The following SBNO1 variants were observed in gnomAD, a reference collection of about 807,000 sequenced individuals.
The protein encoded by SBNO1 is strawberry notch homolog 1.
Under a neutral mutation model 173.6 loss-of-function variants are expected in SBNO1, and 23 were observed. That is an observed-to-expected ratio of 0.13 (90% CI 0.10 to 0.19). SBNO1 has a LOEUF of 0.19. Ranked by LOEUF, SBNO1 falls within the 10% of genes least tolerant of loss-of-function variation. The probability of loss-of-function intolerance (pLI) is 1.00; values close to 1 mark genes in which losing one functional copy is unlikely to be tolerated. For missense variants in SBNO1, 1,238 were observed against 1,671.2 expected (o/e 0.74, Z 4.52); for synonymous variants, 632 against 571.5 (o/e 1.11, Z -1.51).
At chr12:123,312,703 C>T (rs1165084745) in intron 24 of SBNO1, among the ~76,000 whole-genome samples, 2 of 149,866 alleles carry the variant, frequency 1.3e-5, no homozygotes, top group Non-Finnish European at 3.0e-5. Context: ...AGCACGAGAC[C>T]CCGTCTCGAA....
intron 16 of SBNO1, among the ~76,000 whole-genome samples, chr12:123,323,334 T>G (rs576327371): frequency 1.1e-4 from 16 of 152,178 alleles, no homozygotes; most frequent in Non-Finnish European, 2.2e-4. Flanking sequence ...TCAACAGTAT[T>G]TTCAACGTCA....
chr12:123,315,537 C>G lies in SBNO1; in HGVS notation c.3048+11G>C. On this transcript the variant is annotated intron_variant, in intron 22 of 31. Transcript: ENST00000602398. ...ATCATTTACACACAGCCACACAACT[C>G]CAAAACTCACCAAACTCTCAAGTCT... is the stretch of plus-strand genomic sequence containing the variant. 6.3e-7 allele frequency: 1 copy of G among 1,598,012 alleles called. No homozygotes were observed.
At chr12:123,341,327 T>G (rs965671634) in intron 4 of SBNO1, among the ~76,000 whole-genome samples, 2 of 151,896 alleles carry the variant, frequency 1.3e-5, no homozygotes, top group Non-Finnish European at 2.9e-5. Context: ...CGGGCACCTG[T>G]AATCCCAGCT....
chr12:123,364,120 G>C (rs1167037568), intron 1 of SBNO1: 2 of 985,598 alleles, frequency 2.0e-6, no homozygotes, highest in Admixed American at 1.2e-4. Flanking sequence ...CGTGAAGGGA[G>C]CCTGCACGTG....
At chr12:123,348,288 C>T (rs1461811563) in intron 2 of SBNO1, among the ~76,000 whole-genome samples, 155 bp from the exon 3 acceptor site, 1 of 152,084 alleles carries the variant, frequency 6.6e-6, no homozygotes, top group African/African-American at 2.4e-5. Context: ...TCTTTGCAAG[C>T]ACAAGATCTC....
At position 123,309,598 on chromosome 12, in the gene SBNO1, A is replaced by G. The variant is rs1218959871; in HGVS notation, c.3443-15T>C. On this transcript the variant is annotated splice_polypyrimidine_tract_variant and intron_variant, in intron 26 of 31. Coordinates refer to ENST00000602398, the MANE Select transcript of SBNO1 (RefSeq NM_001167856.3). ...AGAACCAAGATCTTGAACAAGAAAA[A>G]GAAACATGTAAATGTAAAAAGAACA... 6.2e-7 allele frequency: 1 copy of G among 1,608,990 alleles called. No homozygotes were observed. Among genetic ancestry groups the G allele is most frequent in the Non-Finnish European group, 8.5e-7 (1 of 1,175,836 alleles).
chr12:123,350,518 TC>T, intron 1 of SBNO1, 77 bp from the exon 2 acceptor site: 1 of 1,149,022 alleles, frequency 8.7e-7, no homozygotes, highest in Non-Finnish European at 1.3e-6. Context: ...ATATAAACAA[TC>T]CAACAATCTC....
At chr12:123,305,567 G>A (rs888299500) in intron 28 of SBNO1, among the ~76,000 whole-genome samples, 1 of 152,120 alleles carries the variant, frequency 6.6e-6, no homozygotes, top group Non-Finnish European at 1.5e-5. Flanking sequence ...CCGCCTCCCA[G>A]GTTCAAGGCG....
At position 123,348,058 on chromosome 12, in the gene SBNO1, C is replaced by T. The variant is rs150846044; in HGVS notation, c.208G>A (p.Val70Ile). Residue 70 changes from valine to isoleucine, a missense_variant, in exon 3 of 32, where the codon GTA becomes ATA. Around this residue, in one of 14 missense-constraint regions of SBNO1, gnomAD observed 287 missense variants for 274.1 expected, o/e 1.05. Coordinates refer to ENST00000602398, the MANE Select transcript of SBNO1 (RefSeq NM_001167856.3). ...ACATTTAATAGTGCTGGAGTAGGTA[C>T]AGTCTCTGGTTCTTGTTTAACAGGA... ...AVPVKQEPET[V>I]PTPALLNVRQ... 5.5e-5 allele frequency: 88 copies of T among 1,609,182 alleles called. No homozygotes were observed. In the African/African-American group the frequency reaches 9.5e-4, roughly 17 times the overall value.
chr12:123,314,086 C>T (rs560532023), intron 23 of SBNO1, among the ~76,000 whole-genome samples: 1 of 152,172 alleles, frequency 6.6e-6, no homozygotes, highest in South Asian at 2.1e-4. Flanking sequence ...AACTCCCTCT[C>T]AACAAAACCC....
chr12:123,306,134 T>C (rs2048907692), intron 28 of SBNO1, among the ~76,000 whole-genome samples: 1 of 152,204 alleles, frequency 6.6e-6, no homozygotes, highest in Non-Finnish European at 1.5e-5. Flanking sequence ...TACTGTAAAG[T>C]CATAAAACAA....
At position 123,364,802 on chromosome 12, in the gene SBNO1, C is replaced by G. The variant is rs1194879082; in HGVS notation, c.-102G>C. The G allele has an allele frequency of 2.0e-6, 2 of 987,300 alleles. No individual in the cohort carries two copies. The highest frequency in any genetic ancestry group is 3.5e-5 in the African/African-American group (2 of 57,188). 61.2% of individuals were successfully genotyped at this position (987,300 alleles called of 1,614,324 possible). ...GAGGCGGCGGTGGCGGCGGCAGCAG[C>G]GGCGTCCTGCTCTGCCTACCTCCCC... On this transcript the variant is annotated 5_prime_UTR_variant, in exon 1 of 32. Coordinates refer to ENST00000602398, the MANE Select transcript of SBNO1 (RefSeq NM_001167856.3).
Position 123,297,991 on chromosome 12 carries a change from C to T in SBNO1, c.4026G>A (p.Gly1342=), listed in dbSNP as rs768746939. The change falls in exon 31 of 32, where the codon GGG becomes GGA. Residue 1342 remains glycine (G), a synonymous_variant. Coordinates refer to ENST00000602398, the MANE Select transcript of SBNO1 (RefSeq NM_001167856.3). ...AATTAGACTCACCTACAATCCGTTG[C>T]CCATCTTCCGTTCTTAGCCGCACGA... is the stretch of plus-strand genomic sequence containing the variant. ...MQIVRLRTED[G]QRIVGLIIPA... 6.2e-7 allele frequency: 1 copy of T among 1,613,756 alleles called. No individual in the cohort carries two copies. The highest frequency in any genetic ancestry group is 8.5e-7 in the Non-Finnish European group (1 of 1,179,906).
intron 15 of SBNO1, 148 bp from the exon 16 acceptor site, chr12:123,323,979 G>C: frequency 1.9e-6 from 1 of 531,274 alleles, no homozygotes; most frequent in Non-Finnish European, 3.0e-6. Flanking sequence ...CTAGCCCAAA[G>C]CTGTCCAACT....
intron 1 of SBNO1, among the ~76,000 whole-genome samples, chr12:123,357,970 T>C (rs1874655675): frequency 6.6e-6 from 1 of 152,212 alleles, no homozygotes; most frequent in South Asian, 2.1e-4. Flanking sequence ...CTTTCTTGAT[T>C]ATCACTAGTC....
chr12:123,296,785 T>A (rs937395988), intron 31 of SBNO1, among the ~76,000 whole-genome samples: 1 of 152,014 alleles, frequency 6.6e-6, no homozygotes, highest in Non-Finnish European at 1.5e-5. Context: ...GATCTCGATC[T>A]CTTGACTTCA....
intron 20 of SBNO1, 46 bp downstream of exon 20, chr12:123,319,854 T>A (rs759145656): frequency 3.9e-6 from 6 of 1,558,400 alleles, no homozygotes; most frequent in Non-Finnish European, 5.3e-6. Context: ...AATCTAAATA[T>A]ACAGGCATTG....
chr12:123,330,942 C>A (rs565884301), intron 8 of SBNO1, among the ~76,000 whole-genome samples: 1 of 152,204 alleles, frequency 6.6e-6, no homozygotes, highest in South Asian at 2.1e-4. Context: ...CGGATCCCAT[C>A]CCCACATGCT....
intron 31 of SBNO1, among the ~76,000 whole-genome samples, chr12:123,297,422 A>AAAAAAAAAAAAAAAAAAAAAAAAAAAT (rs1555243597): frequency 6.8e-6 from 1 of 148,066 alleles, no homozygotes; most frequent in East Asian, 2.0e-4. Flanking sequence ...AAAAAAAAAA[A>AAAAAAAAAAAAAAAAAAAAAAAAAAAT]TTCCATAGAC....
Sources: allele counts gnomAD v4.1 joint callset (sites outside exome capture counted in the v4.1 genomes callset), GRCh38; gene constraint gnomAD v4.1.1; regional missense constraint gnomAD v4.1.1; transcripts MANE v1.5; gene names NCBI Gene and HGNC (gene_info 2026-07-23, HGNC 2026-07-21).